The following DMGDH variants were observed in gnomAD, a reference collection of about 807,000 sequenced individuals.
DMGDH encodes the protein dimethylglycine dehydrogenase, also known as dimethylglycine dehydrogenase, mitochondrial.
A neutral mutation model predicts 95.2 loss-of-function variants in DMGDH; 76 were observed. The observed-to-expected ratio is 0.80, with a 90% CI of 0.66 to 0.97. DMGDH has a LOEUF of 0.97. Among genes scored for constraint, DMGDH ranks in the 50% least tolerant of loss-of-function variants. DMGDH has a pLI of 0.00. For missense variants in DMGDH, 987 were observed against 1,055.0 expected (o/e 0.94, Z 0.89); for synonymous variants, 345 against 377.6 (o/e 0.91, Z 1.00).
intron 4 of DMGDH, among the ~76,000 whole-genome samples, 177 bp downstream of exon 4, chr5:79,054,007 C>G (rs1191850100): frequency 6.6e-6 from 1 of 152,138 alleles, no homozygotes; most frequent in East Asian, 1.9e-4. Flanking sequence ...TTTTATATAT[C>G]ATTTACTGTA....
intron 14 of DMGDH, among the ~76,000 whole-genome samples, chr5:79,008,736 G>T (rs796070669): frequency 6.6e-6 from 1 of 152,046 alleles, no homozygotes; most frequent in Non-Finnish European, 1.5e-5. Context: ...CAGGAAAGGT[G>T]GGGGGAGAGT....
At position 79,029,949 on chromosome 5, in the gene DMGDH, T is replaced by TC; in HGVS notation, c.1768dup (p.Glu590GlyfsTer14). 12 of 1,613,964 alleles carry TC rather than the reference T, an allele frequency of 7.4e-6. No homozygotes were observed. Among genetic ancestry groups the TC allele is most frequent in the Non-Finnish European group, 1.0e-5 (12 of 1,179,938 alleles). On this transcript the variant is annotated frameshift_variant, in exon 11 of 16. Transcript: ENST00000255189. LOFTEE classifies it high-confidence loss of function. ...TCCAGAGCCAGTAATTAAAAGAAAC[T>TC]CCCCAGGAGATTGGTGAGAAACAGT...
At chr5:79,006,508 C>G (rs370305434) in intron 14 of DMGDH, among the ~76,000 whole-genome samples, 3 of 152,280 alleles carry the variant, frequency 2.0e-5, no homozygotes, top group South Asian at 2.1e-4. Context: ...TCTGCCTAGA[C>G]AAGCATCTCT....
intron 15 of DMGDH, chr5:79,000,006 C>A: frequency 3.8e-6 from 1 of 265,152 alleles, no homozygotes. Context: ...GAAATGGAGG[C>A]ATAATATTTA....
At chr5:79,050,853 T>C (rs1233841178) in intron 5 of DMGDH, among the ~76,000 whole-genome samples, 1 of 152,174 alleles carries the variant, frequency 6.6e-6, no homozygotes, top group Non-Finnish European at 1.5e-5. Context: ...TAAAAACTTT[T>C]TCAACTAGAG....
At chr5:79,059,497 A>C (rs1396818205) in intron 2 of DMGDH, among the ~76,000 whole-genome samples, 1 of 152,254 alleles carries the variant, frequency 6.6e-6, no homozygotes, top group African/African-American at 2.4e-5. Flanking sequence ...GTTACAAACT[A>C]GTTGGAAGGT....
chr5:79,008,293 GA>G (rs1048981217), intron 14 of DMGDH, among the ~76,000 whole-genome samples: 2 of 152,084 alleles, frequency 1.3e-5, no homozygotes, highest in Non-Finnish European at 2.9e-5. Context: ...TTTGAAAGAC[GA>G]GTAGGTTTCA....
intron 5 of DMGDH, among the ~76,000 whole-genome samples, chr5:79,046,657 C>T (rs1362239117): frequency 2.0e-5 from 3 of 152,070 alleles, no homozygotes; most frequent in Non-Finnish European, 2.9e-5. Context: ...CAAGTACAGG[C>T]GTTTTGGTCT....
At chr5:79,049,103 T>C (rs1754762392) in intron 5 of DMGDH, among the ~76,000 whole-genome samples, 1 of 152,144 alleles carries the variant, frequency 6.6e-6, no homozygotes, top group South Asian at 2.1e-4. Flanking sequence ...AGACAAGCTG[T>C]TCTCAAGGAC....
rs536965932 is a variant in DMGDH, at chr5:78,998,132, C to T, written c.2551G>A (p.Glu851Lys). The T allele has an allele frequency of 8.0e-5, 129 of 1,614,114 alleles. No individual in the cohort carries two copies. In the East Asian group the frequency reaches 1.2e-3, roughly 15 times the overall value. ...TTCTGAAGCCGGTTTCTGGTTGGTT[C>T]GGTCAATACCAAAGGTTCTTGTATG... is the stretch of plus-strand genomic sequence containing the variant. ...VIIQEPLVLT[E>K]PTRNRLQKKG... Residue 851 changes from glutamate to lysine, a missense_variant, in exon 16 of 16, where the codon GAA (glutamate) becomes AAA (lysine). Glu to Lys is a moderately conservative substitution (Grantham distance 56, BLOSUM62 1). Transcript: ENST00000255189.
Position 79,029,916 on chromosome 5 carries a change from A to G in DMGDH, c.1802T>C (p.Leu601Pro). Reference protein sequence around the residue: ...FLLITGSGSELHDLRWIEEEA... With the variant: ...FLLITGSGSEPHDLRWIEEEA... ...GGTGTGCACTTACCTAAGATCATGAAGTTCTGATCCAGAGCCAGTAATTAA... is the reference window on the plus strand; with the variant it reads ...GGTGTGCACTTACCTAAGATCATGAGGTTCTGATCCAGAGCCAGTAATTAA... The change falls in exon 11 of 16, where the codon CTT becomes CCT. Residue 601 changes from leucine (L) to proline (P), a missense_variant. Leu to Pro is a moderately conservative substitution (Grantham distance 98, BLOSUM62 -3). Transcript: ENST00000255189. 1 of 1,614,076 alleles carries G rather than the reference A, an allele frequency of 6.2e-7. No homozygotes were observed. Among genetic ancestry groups the G allele is most frequent in the South Asian group, 1.1e-5 (1 of 91,078 alleles).
chr5:79,005,087 A>G (rs1347530057), intron 15 of DMGDH, among the ~76,000 whole-genome samples, 186 bp downstream of exon 15: 1 of 152,216 alleles, frequency 6.6e-6, no homozygotes. Flanking sequence ...TTCAAAAATG[A>G]GCAACATTGC....
chr5:79,063,170 T>C (rs1349430440), intron 2 of DMGDH, among the ~76,000 whole-genome samples: 1 of 152,006 alleles, frequency 6.6e-6, no homozygotes, highest in East Asian at 1.9e-4. Context: ...GAGGGGAGTA[T>C]AGGTAAAGAT....
intron 14 of DMGDH, among the ~76,000 whole-genome samples, chr5:79,008,763 T>C (rs1381038119): frequency 1.3e-5 from 2 of 151,490 alleles, no homozygotes; most frequent in African/African-American, 4.8e-5. Context: ...AAACTTTCTC[T>C]AGAAAAAAAA....
chr5:79,016,230 C>G (rs1425951133), intron 14 of DMGDH, among the ~76,000 whole-genome samples: 1 of 147,764 alleles, frequency 6.8e-6, no homozygotes, highest in Non-Finnish European at 1.5e-5. Flanking sequence ...GAGTGAGACT[C>G]CATCAAAAAA....
intron 2 of DMGDH, among the ~76,000 whole-genome samples, chr5:79,061,333 ACC>A: frequency 6.6e-6 from 1 of 151,930 alleles, no homozygotes; most frequent in Admixed American, 6.6e-5. Context: ...CTTGCAAAAA[ACC>A]CTAGAATCAA....
intron 14 of DMGDH, among the ~76,000 whole-genome samples, chr5:79,017,109 A>G (rs530929309): frequency 2.2e-4 from 34 of 152,330 alleles, no homozygotes; most frequent in Non-Finnish European, 4.4e-4. Flanking sequence ...AACATAGCAG[A>G]AAATCTTTAT....
In DMGDH at chr5:79,054,297, T is replaced by C. The variant is rs764831345; in HGVS notation, c.427A>G (p.Arg143Gly). ...ATTTGATATTTAAATTCATCTACCC[T>C]TACAGGGGTGGTAGCAAGTCTGATA... Reference protein sequence around the residue: ...GSIRLATTPVRVDEFKYQMTR... With the variant: ...GSIRLATTPVGVDEFKYQMTR... The change falls in exon 4 of 16, where the codon AGG (arginine) becomes GGG (glycine). Residue 143 changes from arginine to glycine, a missense_variant. Physicochemically the swap from Arg to Gly is moderately radical, Grantham distance 125. Coordinates refer to ENST00000255189, the MANE Select transcript of DMGDH (RefSeq NM_013391.3). The C allele has an allele frequency of 6.2e-7, 1 of 1,614,118 alleles. No homozygotes were observed. Among genetic ancestry groups the C allele is most frequent in the Non-Finnish European group, 8.5e-7 (1 of 1,179,988 alleles).
Position 78,997,569 on chromosome 5 carries a change from G to C in DMGDH, c.*513C>G, listed in dbSNP as rs1753382673. ...AATTGAATTAAAATGTTGGCTATAT[G>C]TCAATGTTAAGTTTTACTATTTTCA... On this transcript the variant is annotated 3_prime_UTR_variant, in exon 16 of 16. Transcript: ENST00000255189. 1 of 159,486 alleles carries C rather than the reference G, an allele frequency of 6.3e-6. No individual in the cohort carries two copies. Among genetic ancestry groups the C allele is most frequent in the Admixed American group, 6.0e-5 (1 of 16,546 alleles). 9.9% of individuals were successfully genotyped at this position (159,486 alleles called of 1,614,324 possible).
Sources: allele counts gnomAD v4.1 joint callset (sites outside exome capture counted in the v4.1 genomes callset), GRCh38; gene constraint gnomAD v4.1.1; transcripts MANE v1.5; gene names NCBI Gene and HGNC (gene_info 2026-07-23, HGNC 2026-07-21).